Variants in LRRC4C observed in about 807,000 individuals in gnomAD.
The protein encoded by LRRC4C is leucine rich repeat containing 4C, also known as leucine-rich repeat-containing protein 4C.
In LRRC4C, 5 loss-of-function variants were observed where a neutral mutation model predicts 33.6. The observed-to-expected ratio is 0.15, with a 90% CI of 0.08 to 0.31. The LOEUF is 0.31. Ranked by LOEUF, LRRC4C falls within the 10% of genes least tolerant of loss-of-function variation. LRRC4C has a pLI of 1.00. For synonymous variants in LRRC4C, 329 were observed against 302.0 expected, an observed-to-expected ratio of 1.09 and a Z score of -0.93; for missense variants, 560 against 796.7, an observed-to-expected ratio of 0.70 and a Z score of 3.58.
intron 3 of LRRC4C, among the ~76,000 whole-genome samples, chr11:40,597,727 G>A (rs537400503): frequency 1.3e-5 from 2 of 152,252 alleles, no homozygotes; most frequent in African/African-American, 4.8e-5. Flanking sequence ...CTTAAGGAAC[G>A]CTGAGCTAGC....
intron 4 of LRRC4C, among the ~76,000 whole-genome samples, chr11:40,297,556 G>A (rs10128638): frequency 0.49 from 74,498 of 151,366 alleles, 18,525 homozygotes; most frequent in Admixed American, 0.59. Flanking sequence ...TAGATAAAAG[G>A]TCCTAAAGTC....
chr11:41,176,881 C>T (rs1160191065), intron 1 of LRRC4C, among the ~76,000 whole-genome samples: 7 of 152,052 alleles, frequency 4.6e-5, no homozygotes, highest in African/African-American at 1.4e-4. Flanking sequence ...AGAAGAATTG[C>T]TTGAACCTAG....
chr11:40,900,074 G>T (rs1592033998), intron 2 of LRRC4C, among the ~76,000 whole-genome samples: 1 of 151,964 alleles, frequency 6.6e-6, no homozygotes, highest in South Asian at 2.1e-4. Flanking sequence ...CTTTCTATTT[G>T]TTTTATTTTT....
intron 3 of LRRC4C, among the ~76,000 whole-genome samples, chr11:40,332,226 A>G (rs915636326): frequency 6.6e-6 from 1 of 152,162 alleles, no homozygotes; most frequent in Non-Finnish European, 1.5e-5. Context: ...TGGCCAGGCC[A>G]CAGTCTCTCT....
chr11:40,861,674 A>C (rs1019644179), intron 2 of LRRC4C, among the ~76,000 whole-genome samples: 4 of 152,196 alleles, frequency 2.6e-5, no homozygotes, highest in African/African-American at 9.6e-5. Context: ...CATTGCTGTA[A>C]AGGAATACCC....
At chr11:41,157,598 C>T (rs1207313567) in intron 1 of LRRC4C, among the ~76,000 whole-genome samples, 1 of 152,072 alleles carries the variant, frequency 6.6e-6, no homozygotes, top group Non-Finnish European at 1.5e-5. Context: ...GTCCACATAC[C>T]TTGCAAAAAT....
chr11:41,245,017 C>T (rs1948396431), intron 1 of LRRC4C, among the ~76,000 whole-genome samples: 1 of 152,182 alleles, frequency 6.6e-6, no homozygotes. Flanking sequence ...TGGAGTCACC[C>T]TTCCTAGTTT....
At chr11:41,306,879 TAAG>T (rs545830640) in intron 1 of LRRC4C, among the ~76,000 whole-genome samples, 1 of 152,134 alleles carries the variant, frequency 6.6e-6, no homozygotes, top group Non-Finnish European at 1.5e-5. Context: ...TTCGAAAAAT[TAAG>T]AAGACACACA....
intron 1 of LRRC4C, among the ~76,000 whole-genome samples, chr11:41,366,001 T>C (rs1183227561): frequency 2.0e-5 from 3 of 152,178 alleles, no homozygotes; most frequent in Non-Finnish European, 2.9e-5. Context: ...ACAATATATG[T>C]ATGTTAAATG....
intron 3 of LRRC4C, among the ~76,000 whole-genome samples, chr11:40,336,872 G>C (rs546854637): frequency 2.6e-5 from 4 of 151,030 alleles, no homozygotes; most frequent in Non-Finnish European, 5.9e-5. Flanking sequence ...AGCTACTCGG[G>C]AGGCTGAGGC....
chr11:40,583,924 A>T (rs1235248055), intron 3 of LRRC4C, among the ~76,000 whole-genome samples: 1 of 151,694 alleles, frequency 6.6e-6, no homozygotes, highest in Non-Finnish European at 1.5e-5. Context: ...GACATGTGAT[A>T]GGCAAGTTTG....
intron 1 of LRRC4C, among the ~76,000 whole-genome samples, chr11:41,245,989 G>T (rs1464123295): frequency 6.6e-6 from 1 of 152,080 alleles, no homozygotes; most frequent in Non-Finnish European, 1.5e-5. Flanking sequence ...CCCTGGAAAA[G>T]GCACCGTAAG....
chr11:41,306,451 G>A (rs959106785), intron 1 of LRRC4C, among the ~76,000 whole-genome samples: 2 of 152,146 alleles, frequency 1.3e-5, no homozygotes, highest in South Asian at 4.1e-4. Context: ...TTGTTAAAAG[G>A]CTCTTTGGAA....
chr11:40,661,375 A>G (rs1230538014), intron 2 of LRRC4C, among the ~76,000 whole-genome samples: 2 of 152,222 alleles, frequency 1.3e-5, no homozygotes, highest in African/African-American at 4.8e-5. Context: ...TGTGCAAAGC[A>G]TATGATATGA....
At chr11:40,290,294 C>T (rs1036098744) in intron 4 of LRRC4C, among the ~76,000 whole-genome samples, 20 of 151,880 alleles carry the variant, frequency 1.3e-4, no homozygotes, top group Admixed American at 1.1e-3. Context: ...AATAAGCAAA[C>T]GAATGCAAAA....
intron 1 of LRRC4C, among the ~76,000 whole-genome samples, chr11:41,005,804 A>G (rs955535923): frequency 2.0e-5 from 3 of 152,182 alleles, no homozygotes; most frequent in African/African-American, 7.2e-5. Flanking sequence ...TAAACTTTTT[A>G]AAATAAATTG....
In LRRC4C at chr11:40,319,713, T is replaced by C. The variant is rs982960780; in HGVS notation, c.-261A>G. The C allele has an allele frequency of 1.3e-5, 2 of 152,160 alleles. No individual in the cohort carries two copies. Among genetic ancestry groups the C allele is most frequent in the Non-Finnish European group, 2.9e-5 (2 of 68,032 alleles). The allele number at this position is 152,160 out of a possible 1,614,324, so 9.4% of individuals were successfully genotyped here. A position where few individuals can be genotyped will look rare whatever the true frequency, so the allele number is the denominator to read the frequency against. ...AGTGCTCTGGATTTCTGCAGATACT[T>C]CTTTATACCTGCAGGAAGATAACAT... is the stretch of plus-strand genomic sequence containing the variant. On this transcript the variant is annotated 5_prime_UTR_variant, in exon 4 of 7. Coordinates refer to ENST00000528697, the MANE Select transcript of LRRC4C (RefSeq NM_001258419.2).
At chr11:40,792,799 G>A (rs11036081) in intron 2 of LRRC4C, among the ~76,000 whole-genome samples, 18,457 of 151,388 alleles carry the variant, frequency 0.12, 2,013 homozygotes, top group African/African-American at 0.3. Context: ...ATGGAATACT[G>A]TGCAGCCATA....
At chr11:40,273,382 T>C (rs1222464425) in intron 4 of LRRC4C, among the ~76,000 whole-genome samples, 2 of 152,108 alleles carry the variant, frequency 1.3e-5, no homozygotes, top group Admixed American at 6.6e-5. Context: ...GTGCATATAA[T>C]TCAATAAGTA....
Sources: gnomAD v4.1 joint callset for allele counts (sites outside exome capture counted in the v4.1 genomes callset) on GRCh38, gnomAD v4.1.1 for gene constraint, MANE v1.5 for transcripts, NCBI Gene and HGNC (gene_info 2026-07-23, HGNC 2026-07-21) for gene names.